FAM234B: variants seen among roughly 807,000 people sequenced by gnomAD.
FAM234B encodes the protein protein FAM234B.
In FAM234B, 33 loss-of-function variants were observed where a neutral mutation model predicts 69.3. That is an observed-to-expected ratio of 0.48 (90% confidence interval 0.36 to 0.64). The LOEUF is 0.64. Among genes scored for constraint, FAM234B ranks in the 30% least tolerant of loss-of-function variants. The pLI, the probability that FAM234B is intolerant of heterozygous loss-of-function variation, is 0.00. For missense variants in FAM234B, 697 were observed against 769.7 expected (o/e 0.91, Z 1.12); for synonymous variants, 306 against 306.9 (o/e 1.00, Z 0.03).
chr12:13,051,676 G>T (rs1231943010), intron 1 of FAM234B, among the ~76,000 whole-genome samples: 1 of 152,184 alleles, frequency 6.6e-6, no homozygotes, highest in Non-Finnish European at 1.5e-5. Flanking sequence ...AAAAAGCACA[G>T]ACATATCACA....
Position 13,080,658 on chromosome 12 carries a change from A to C in FAM234B, c.*28A>C. On this transcript the variant is annotated 3_prime_UTR_variant, in exon 13 of 13. Coordinates refer to ENST00000197268, the MANE Select transcript of FAM234B (RefSeq NM_020853.2). The stretch of plus-strand genomic sequence containing the variant: ...TGATGGAATCTTCAGTTGCAGAAGA[A>C]GTGAACAGAGTGGATACCCTCTCTA... The C allele has an allele frequency of 1.3e-6, 2 of 1,576,818 alleles. No individual in the cohort carries two copies. The highest frequency in any genetic ancestry group is 1.7e-6 in the Non-Finnish European group (2 of 1,146,150).
At chr12:13,047,290 G>T (rs1864822547) in intron 1 of FAM234B, among the ~76,000 whole-genome samples, 1 of 152,072 alleles carries the variant, frequency 6.6e-6, no homozygotes, top group African/African-American at 2.4e-5. Flanking sequence ...TTTTTCTTAG[G>T]CCATTTTAAA....
intron 11 of FAM234B, among the ~76,000 whole-genome samples, 181 bp downstream of exon 11, chr12:13,076,324 C>T (rs191048147): frequency 2.6e-5 from 4 of 152,332 alleles, no homozygotes; most frequent in South Asian, 2.1e-4. Flanking sequence ...GTGGAAGCCC[C>T]GGGCTCACAG....
Position 13,044,700 on chromosome 12 carries a change from C to T in FAM234B, c.37+260C>T, listed in dbSNP as rs960568556. Among the ~76,000 whole-genome samples the T allele has an allele frequency of 2.6e-5, 4 of 152,184 alleles. No homozygotes were observed. Among genetic ancestry groups the T allele is most frequent in the Admixed American group, 2.0e-4 (3 of 15,282 alleles). On this transcript the variant is annotated intron_variant, in intron 1 of 12. Coordinates refer to ENST00000197268, the MANE Select transcript of FAM234B (RefSeq NM_020853.2). The surrounding 1 kb of genome is among the most constrained non-coding windows in gnomAD (Gnocchi z 5.6). Reference sequence around the variant, plus strand: ...GGGAGAGGGCGCCGAGCAGGTGTTACGGCGGGGAATGTCAGAACGCCGGTC... The same window carrying T: ...GGGAGAGGGCGCCGAGCAGGTGTTATGGCGGGGAATGTCAGAACGCCGGTC...
chr12:13,050,286 C>T (rs1417496506), intron 1 of FAM234B, among the ~76,000 whole-genome samples: 4 of 152,148 alleles, frequency 2.6e-5, no homozygotes, highest in South Asian at 2.1e-4. Flanking sequence ...TGTTTACTCT[C>T]CTGTCATTGC....
At chr12:13,079,562 A>G (rs183178203) in intron 11 of FAM234B, among the ~76,000 whole-genome samples, 35 of 152,336 alleles carry the variant, frequency 2.3e-4, no homozygotes, top group South Asian at 1.7e-3. Context: ...AAATAGCTTC[A>G]GAGGAGTAAA....
At chr12:13,079,666 A>G in intron 11 of FAM234B, 123 bp from the exon 12 acceptor site, 1 of 647,410 alleles carries the variant, frequency 1.5e-6, no homozygotes, top group South Asian at 2.0e-5. Flanking sequence ...CTGTTTATTC[A>G]GTGCTCAGTA....
Position 13,044,396 on chromosome 12 carries a change from C to A in FAM234B, c.-8C>A. 12 of 1,551,258 alleles carry A rather than the reference C, an allele frequency of 7.7e-6. No individual in the cohort carries two copies. The highest frequency in any genetic ancestry group is 1.0e-5 in the Non-Finnish European group (12 of 1,147,348). ...GCGGGCGCGCGCACGCGCACCGGGG[C>A]CTCAGCCATGGCGACCGTGCTGTCC... On this transcript the variant is annotated 5_prime_UTR_variant, in exon 1 of 13. Transcript: ENST00000197268. The surrounding 1 kb of genome is among the most constrained non-coding windows in gnomAD (Gnocchi z 5.6).
In FAM234B at chr12:13,055,260, T is replaced by C. The variant is rs139821040; in HGVS notation, c.38-291T>C. On this transcript the variant is annotated intron_variant, in intron 1 of 12. Coordinates refer to ENST00000197268, the MANE Select transcript of FAM234B (RefSeq NM_020853.2). ...TTCAAACACATTAAGAGAGCTTTCT[T>C]TTTAAACTAAAGGCATTTTAAATTT... 2.6e-5 allele frequency among the ~76,000 whole-genome samples: 4 copies of C among 152,352 alleles called. No homozygotes were observed. In the East Asian group the frequency reaches 7.7e-4, roughly 29 times the overall value.
chr12:13,058,162 T>C (rs536383741), intron 2 of FAM234B, among the ~76,000 whole-genome samples: 1 of 152,280 alleles, frequency 6.6e-6, no homozygotes, highest in Non-Finnish European at 1.5e-5. Context: ...CTGGGTATTA[T>C]GAGGCCAAAA....
rs1394210787 is a variant in FAM234B at position 13,067,874 on chromosome 12, A to T, written c.1143-430A>T. ...ATCATGGTGTTTTGGTGACTTTGAC[A>T]GGTATGAAGTAGAATGGTCCCAGTG... On this transcript the variant is annotated intron_variant, in intron 7 of 12. Coordinates refer to ENST00000197268, the MANE Select transcript of FAM234B (RefSeq NM_020853.2). The surrounding 1 kb of genome is among the most constrained non-coding windows in gnomAD (Gnocchi z 4.7). Among the ~76,000 whole-genome samples the T allele has an allele frequency of 6.6e-6, 1 of 152,202 alleles. No individual in the cohort carries two copies. Among genetic ancestry groups the T allele is most frequent in the Non-Finnish European group, 1.5e-5 (1 of 68,044 alleles).
intron 9 of FAM234B, among the ~76,000 whole-genome samples, chr12:13,070,452 A>T (rs992711790): frequency 3.3e-5 from 5 of 152,044 alleles, no homozygotes; most frequent in Admixed American, 1.3e-4. Flanking sequence ...TTGTCCAAAG[A>T]GGTTAGGTCC....
At chr12:13,062,022 G>A (rs749080891) in intron 4 of FAM234B, among the ~76,000 whole-genome samples, 5 of 152,164 alleles carry the variant, frequency 3.3e-5, no homozygotes, top group Non-Finnish European at 7.3e-5. Context: ...CCTTTGGTGT[G>A]TAAATAGTCT....
At chr12:13,075,444 T>TTA (rs1408042469) in intron 10 of FAM234B, among the ~76,000 whole-genome samples, 7 of 149,252 alleles carry the variant, frequency 4.7e-5, no homozygotes, top group Non-Finnish European at 1.0e-4. Context: ...TTTTTTTTTT[T>TTA]TTTTATTTTT....
intron 10 of FAM234B, among the ~76,000 whole-genome samples, chr12:13,073,214 C>T (rs1221419423): frequency 3.3e-5 from 5 of 150,752 alleles, no homozygotes; most frequent in Admixed American, 1.3e-4. Context: ...AGGCAGGCCT[C>T]GAACTCCTGG....
Position 13,071,223 on chromosome 12 carries a change from C to T in FAM234B, c.1369-18C>T. 2.5e-6 allele frequency: 4 copies of T among 1,613,214 alleles called. No homozygotes were observed. The highest frequency in any genetic ancestry group is 1.3e-5 in the African/African-American group (1 of 75,032). On this transcript the variant is annotated intron_variant, in intron 9 of 12. Transcript: ENST00000197268. ...TTTGAGGCCTGGCCATGTTTACTGT[C>T]TGTCTTCTCTTTTGTAGATGATGGT...
chr12:13,046,438 TTTTC>T (rs1864812828), intron 1 of FAM234B, among the ~76,000 whole-genome samples: 1 of 152,062 alleles, frequency 6.6e-6, no homozygotes, highest in Admixed American at 6.6e-5. Flanking sequence ...ATCCCCACTG[TTTTC>T]TTTGTTTGTT....
intron 2 of FAM234B, among the ~76,000 whole-genome samples, 168 bp from the exon 3 acceptor site, chr12:13,058,283 G>A (rs1864952015): frequency 6.6e-6 from 1 of 152,130 alleles, no homozygotes; most frequent in African/African-American, 2.4e-5. Context: ...TTTATGTACA[G>A]TGTCCAGGGC....
intron 11 of FAM234B, 107 bp from the exon 12 acceptor site, chr12:13,079,682 C>T (rs1420659259): frequency 1.4e-5 from 10 of 717,378 alleles, no homozygotes; most frequent in Admixed American, 1.2e-4. Flanking sequence ...CAGTACATTT[C>T]CTGTATGAAC....
Sources: gnomAD v4.1 joint callset for allele counts (sites outside exome capture counted in the v4.1 genomes callset) on GRCh38, gnomAD v4.1.1 for gene constraint, Gnocchi (gnomAD v3.1) non-coding constraint, MANE v1.5 for transcripts, NCBI Gene and HGNC (gene_info 2026-07-23, HGNC 2026-07-21) for gene names.